Variants in LRRC18 observed in about 807,000 individuals in gnomAD.
LRRC18 encodes leucine rich repeat containing 18.
A neutral mutation model predicts 11.2 loss-of-function variants in LRRC18; 12 were observed. The ratio of observed to expected loss-of-function variants is 1.07; its 90% CI spans 0.69 to 1.74. The LOEUF is 1.74. Ranked by LOEUF, LRRC18 falls within the 40% of genes most tolerant of loss-of-function variation. LRRC18 has a pLI of 0.00. For synonymous variants in LRRC18, 155 were observed against 130.6 expected (o/e 1.19, Z -1.27); for missense variants, 374 against 330.5 (o/e 1.13, Z -1.02).
chr10:48,922,374 C>T, the LRRC18 span, among the ~76,000 whole-genome samples: 1 of 151,960 alleles, frequency 6.6e-6, no homozygotes, highest in Non-Finnish European at 1.5e-5. Flanking sequence ...TTCAGATATG[C>T]CAAAGAGAGA....
chr10:48,919,873 A>G, the LRRC18 span, among the ~76,000 whole-genome samples: 1 of 152,224 alleles, frequency 6.6e-6, no homozygotes, highest in Non-Finnish European at 1.5e-5. Flanking sequence ...CTTTCAAAAA[A>G]AAATAGAATA....
chr10:48,929,495 C>T, the LRRC18 span, among the ~76,000 whole-genome samples: 3 of 152,174 alleles, frequency 2.0e-5, no homozygotes, highest in Non-Finnish European at 2.9e-5. Context: ...TAGAGGCTGC[C>T]TCTGCCACGT....
chr10:48,930,415 G>A, the LRRC18 span, among the ~76,000 whole-genome samples: 2 of 152,198 alleles, frequency 1.3e-5, no homozygotes, highest in Admixed American at 6.5e-5. Flanking sequence ...ATGGCACGAC[G>A]GATTGTTTGA....
At chr10:48,929,103 A>T in the LRRC18 span, among the ~76,000 whole-genome samples, 1 of 152,298 alleles carries the variant, frequency 6.6e-6, no homozygotes, top group East Asian at 1.9e-4. Flanking sequence ...GCCATCTTTG[A>T]GAAGATGATA....
the LRRC18 span, among the ~76,000 whole-genome samples, chr10:48,920,742 C>T: frequency 2.6e-5 from 4 of 152,292 alleles, no homozygotes; most frequent in East Asian, 5.8e-4. Context: ...GATGTCATGA[C>T]TGTCCACATA....
At chr10:48,921,392 C>T in the LRRC18 span, among the ~76,000 whole-genome samples, 3 of 152,046 alleles carry the variant, frequency 2.0e-5, no homozygotes, top group South Asian at 2.1e-4. Flanking sequence ...CTTTAACAAA[C>T]GATGTTGAAA....
At chr10:48,928,375 T>TGC in the LRRC18 span, among the ~76,000 whole-genome samples, 1 of 150,772 alleles carries the variant, frequency 6.6e-6, no homozygotes, top group African/African-American at 2.4e-5. Flanking sequence ...TGTGTGTGTG[T>TGC]GTGTGTGTGT....
At chr10:48,910,110 G>T in exon 2 of LRRC18, 2 of 872,122 alleles carry the variant, frequency 2.3e-6, no homozygotes, top group Non-Finnish European at 3.8e-6. Context: ...GGCTTGGCCA[G>T]CTCCGGCGAG....
exon 1 of LRRC18, chr10:48,913,822 C>A: frequency 1.9e-6 from 3 of 1,614,018 alleles, no homozygotes; most frequent in Non-Finnish European, 2.5e-6. Flanking sequence ...ACGGGCAGCC[C>A]GTTGCTGGTC....
At chr10:48,921,380 C>T in the LRRC18 span, among the ~76,000 whole-genome samples, 100 of 152,214 alleles carry the variant, frequency 6.6e-4, no homozygotes, top group African/African-American at 2.3e-3. Context: ...AGAAAATGAA[C>T]TCTTTAACAA....
chr10:48,936,855 A>T, the LRRC18 span, among the ~76,000 whole-genome samples: 1 of 151,798 alleles, frequency 6.6e-6, no homozygotes, highest in South Asian at 2.1e-4. Context: ...AAAAAAAGAA[A>T]AAAAAAGAAA....
the LRRC18 span, among the ~76,000 whole-genome samples, chr10:48,931,669 G>C: frequency 6.6e-6 from 1 of 152,194 alleles, no homozygotes. Context: ...TGCTTGCATG[G>C]AAGGCCCTTG....
the LRRC18 span, chr10:48,932,336 G>T: frequency 6.6e-6 from 1 of 152,194 alleles, no homozygotes. Context: ...TCAGATGGAG[G>T]AGTTGGAGAA....
the LRRC18 span, among the ~76,000 whole-genome samples, chr10:48,921,317 T>C: frequency 1.1e-4 from 16 of 152,182 alleles, no homozygotes; most frequent in Non-Finnish European, 2.1e-4. Flanking sequence ...TACACAAACA[T>C]GGCCAAATGG....
the LRRC18 span, among the ~76,000 whole-genome samples, chr10:48,920,537 GA>G: frequency 2.7e-5 from 4 of 150,472 alleles, no homozygotes; most frequent in South Asian, 4.2e-4. Flanking sequence ...TGAAAAAAAA[GA>G]AAAAAAAAGC....
the LRRC18 span, among the ~76,000 whole-genome samples, chr10:48,931,524 G>C: frequency 6.6e-6 from 1 of 152,190 alleles, no homozygotes; most frequent in Admixed American, 6.5e-5. Flanking sequence ...TGCAATATGG[G>C]GAGGATATGT....
At chr10:48,913,624 G>T (rs772157336) in exon 1 of LRRC18, 1 of 1,613,924 alleles carries the variant, frequency 6.2e-7, no homozygotes, top group Non-Finnish European at 8.5e-7. Context: ...TTTGGAAAGG[G>T]GTTCCGCTTT....
exon 1 of LRRC18, chr10:48,913,440 T>C (rs777114763): frequency 6.2e-6 from 10 of 1,613,450 alleles, no homozygotes; most frequent in Admixed American, 5.0e-5. Flanking sequence ...TGAGATCAGA[T>C]TGGGAAAGAT....
At chr10:48,932,247 G>A in the LRRC18 span, among the ~76,000 whole-genome samples, 1 of 152,172 alleles carries the variant, frequency 6.6e-6, no homozygotes, top group Admixed American at 6.5e-5. Context: ...GGGAATGCTG[G>A]TGGAGTCACC....
Sources: gnomAD v4.1 joint callset for allele counts (sites outside exome capture counted in the v4.1 genomes callset) on GRCh38, gnomAD v4.1.1 for gene constraint, MANE v1.5 for transcripts, NCBI Gene and HGNC (gene_info 2026-07-23, HGNC 2026-07-21) for gene names.